The following CACNA1C variants were observed in gnomAD, a reference collection of about 807,000 sequenced individuals.
CACNA1C encodes the protein voltage-dependent L-type calcium channel subunit alpha-1C.
In CACNA1C, 30 loss-of-function variants were observed where a neutral mutation model predicts 229.0. The ratio of observed to expected loss-of-function variants is 0.13; its 90% CI spans 0.10 to 0.18. The LOEUF (loss-of-function observed/expected upper bound fraction) is 0.18. Among genes scored for constraint, CACNA1C ranks in the 10% least tolerant of loss-of-function variants. The pLI is 1.00. For synonymous variants in CACNA1C, 1,114 were observed against 1,132.5 expected, an observed-to-expected ratio of 0.98 and a Z score of 0.33; for missense variants, 1,658 against 2,845.0, an observed-to-expected ratio of 0.58 and a Z score of 9.49.
At chr12:2,392,992 C>G (rs1202680651) in intron 3 of CACNA1C, among the ~76,000 whole-genome samples, 1 of 152,112 alleles carries the variant, frequency 6.6e-6, no homozygotes, top group Non-Finnish European at 1.5e-5. Flanking sequence ...ACTGTTAACC[C>G]TCTAGTATTA....
chr12:2,514,700 G>A (rs1216185275), intron 9 of CACNA1C, among the ~76,000 whole-genome samples: 2 of 152,132 alleles, frequency 1.3e-5, no homozygotes, highest in Non-Finnish European at 2.9e-5. Context: ...CATTTCTGTA[G>A]CGCGTGTTAT....
At chr12:2,590,338 C>A (rs180963345) in intron 18 of CACNA1C, among the ~76,000 whole-genome samples, 1 of 152,288 alleles carries the variant, frequency 6.6e-6, no homozygotes, top group East Asian at 1.9e-4. Flanking sequence ...GCAGCAGCAC[C>A]TCACTTCCGA....
At chr12:2,551,584 T>G (rs1599769235) in intron 10 of CACNA1C, among the ~76,000 whole-genome samples, 1 of 152,124 alleles carries the variant, frequency 6.6e-6, no homozygotes, top group Non-Finnish European at 1.5e-5. Context: ...CCAGCATTCC[T>G]GGCGGGAGAA....
At chr12:2,176,648 A>G (rs1250578171) in intron 3 of CACNA1C, among the ~76,000 whole-genome samples, 2 of 152,100 alleles carry the variant, frequency 1.3e-5, no homozygotes, top group Non-Finnish European at 1.5e-5. Context: ...AAATGCTTCC[A>G]ACTCAATCCC....
chr12:2,474,525 C>G (rs1318170328), intron 5 of CACNA1C, among the ~76,000 whole-genome samples: 8 of 152,126 alleles, frequency 5.3e-5, no homozygotes, highest in Non-Finnish European at 1.0e-4. Flanking sequence ...GAGGCCGAGG[C>G]AGGCAGATCA....
In CACNA1C at chr12:2,633,012, A is replaced by G. The variant is rs957824430; in HGVS notation, c.3829-1285A>G. ...GATTTGATCTGCAAGAGTTGCACTT[A>G]TTATGGATCTTGTTTTAACAATTTG... On this transcript the variant is annotated intron_variant, in intron 29 of 46. Coordinates refer to ENST00000399655, the MANE Select transcript of CACNA1C (RefSeq NM_000719.7). This position sits in a 1 kb window ranked among gnomAD's most constrained non-coding sequence, Gnocchi z 5.8. Among the ~76,000 whole-genome samples, 1 of 152,144 alleles carries G rather than the reference A, an allele frequency of 6.6e-6. No homozygotes were observed. The highest frequency in any genetic ancestry group is 2.4e-5 in the African/African-American group (1 of 41,432).
chr12:2,385,505 C>A (rs560819024), intron 3 of CACNA1C, among the ~76,000 whole-genome samples: 1 of 152,284 alleles, frequency 6.6e-6, no homozygotes, highest in Admixed American at 6.5e-5. Context: ...AGCTAGGACC[C>A]GCTGCTGTCT....
At chr12:2,069,695 C>T (rs911720586) in intron 1 of CACNA1C, among the ~76,000 whole-genome samples, 4 of 152,172 alleles carry the variant, frequency 2.6e-5, no homozygotes, top group East Asian at 1.9e-4. Context: ...TTATAATGAC[C>T]GTTACTTGAG....
intron 6 of CACNA1C, among the ~76,000 whole-genome samples, chr12:2,492,623 C>T (rs1021219014): frequency 2.6e-5 from 4 of 152,202 alleles, no homozygotes; most frequent in African/African-American, 4.8e-5. Context: ...AAGTGACTTG[C>T]GTCCCTGGCA....
chr12:2,691,310 TC>T lies in CACNA1C; in HGVS notation c.*112del. 8.7e-7 allele frequency: 1 copy of T among 1,150,000 alleles called. No homozygotes were observed. The highest frequency in any genetic ancestry group is 1.2e-6 in the Non-Finnish European group (1 of 859,498). 71.2% of individuals were successfully genotyped at this position (1,150,000 alleles called of 1,614,324 possible). A position where few individuals can be genotyped will look rare whatever the true frequency, so the allele number is the denominator to read the frequency against. On this transcript the variant is annotated 3_prime_UTR_variant, in exon 47 of 47. Transcript: ENST00000399655. ...CCTGGAGTTAACCGGAACAGCGTCT[TC>T]ATTCATTTCTGTTGGGACCAGACGC...
chr12:2,250,601 G>T (rs541005286), intron 3 of CACNA1C, among the ~76,000 whole-genome samples: 2 of 152,140 alleles, frequency 1.3e-5, no homozygotes, highest in African/African-American at 4.8e-5. Flanking sequence ...AAGGCCATGC[G>T]TTAAATACCC....
chr12:2,341,369 A>G (rs1226438369), intron 3 of CACNA1C, among the ~76,000 whole-genome samples: 2 of 152,298 alleles, frequency 1.3e-5, no homozygotes, highest in East Asian at 3.9e-4. Context: ...GAGGGATTAA[A>G]CTATCTGATG....
chr12:2,403,517 TTTTCC>T lies in CACNA1C; in HGVS notation c.478-45449_478-45445del, dbSNP rs2154551635. 2.0e-5 allele frequency among the ~76,000 whole-genome samples: 3 copies of T among 152,368 alleles called. No individual in the cohort carries two copies. The highest frequency in any genetic ancestry group is 4.4e-5 in the Non-Finnish European group (3 of 68,040). On this transcript the variant is annotated intron_variant, in intron 3 of 46. Coordinates refer to ENST00000399655, the MANE Select transcript of CACNA1C (RefSeq NM_000719.7). This position sits in a 1 kb window ranked among gnomAD's most constrained non-coding sequence, Gnocchi z 4.1. The stretch of plus-strand genomic sequence containing the variant: ...CCCGGAGCTGCCATCCCAAGGCTGC[TTTTCC>T]TTTCCTTTCTTTTTTTAAAATTCTT...
At chr12:2,144,409 G>C (rs2094531647) in intron 3 of CACNA1C, among the ~76,000 whole-genome samples, 1 of 151,232 alleles carries the variant, frequency 6.6e-6, no homozygotes, top group Non-Finnish European at 1.5e-5. Context: ...TTCAGTCTAA[G>C]ATCATTCTTA....
At chr12:2,401,830 A>G (rs762527312) in intron 3 of CACNA1C, among the ~76,000 whole-genome samples, 47 of 152,254 alleles carry the variant, frequency 3.1e-4, no homozygotes, top group Non-Finnish European at 6.5e-4. Flanking sequence ...AGACATGCAT[A>G]TGGAGTTCTT....
At position 2,575,817 on chromosome 12, in the gene CACNA1C, A is replaced by C. The variant is rs1044515617; in HGVS notation, c.1896-5773A>C. On this transcript the variant is annotated intron_variant, in intron 13 of 46. Transcript: ENST00000399655. This position sits in a 1 kb window ranked among gnomAD's most constrained non-coding sequence, Gnocchi z 4.0. The stretch of plus-strand genomic sequence containing the variant: ...GCTCAATGCTCTGCTCTATACCTAG[A>C]ATAAAGGTAAAGGACCTGGCCCTGA... Among the ~76,000 whole-genome samples the C allele has an allele frequency of 2.6e-5, 4 of 152,228 alleles. No individual in the cohort carries two copies. Among genetic ancestry groups the C allele is most frequent in the Non-Finnish European group, 5.9e-5 (4 of 68,044 alleles).
rs570622624 is a variant in CACNA1C at position 2,181,036 on chromosome 12, G to A, written c.477+60606G>A. ...CCTCAAATCTGCACTCCCCTATTAC[G>A]TGTTTGGGCAACTGAGTTTTGGAAC... On this transcript the variant is annotated intron_variant, in intron 3 of 46. Coordinates refer to ENST00000399655, the MANE Select transcript of CACNA1C (RefSeq NM_000719.7). This position sits in a 1 kb window ranked among gnomAD's most constrained non-coding sequence, Gnocchi z 4.0. 1.4e-4 allele frequency among the ~76,000 whole-genome samples: 21 copies of A among 152,100 alleles called. No homozygotes were observed. The highest frequency in any genetic ancestry group is 2.8e-4 in the Non-Finnish European group (19 of 68,028).
At chr12:2,565,755 T>G (rs2050513715) in intron 11 of CACNA1C, among the ~76,000 whole-genome samples, 1 of 152,202 alleles carries the variant, frequency 6.6e-6, no homozygotes, top group African/African-American at 2.4e-5. Context: ...ATCTAAACAT[T>G]CATCAGATTC....
chr12:2,321,561 A>G (rs1024997096), intron 3 of CACNA1C, among the ~76,000 whole-genome samples: 2 of 152,206 alleles, frequency 1.3e-5, no homozygotes, highest in Non-Finnish European at 2.9e-5. Flanking sequence ...GCTGAGATAC[A>G]GCTTGCATTT....
Sources: gnomAD v4.1 joint callset for allele counts (sites outside exome capture counted in the v4.1 genomes callset) on GRCh38, gnomAD v4.1.1 for gene constraint, Gnocchi (gnomAD v3.1) non-coding constraint, MANE v1.5 for transcripts, NCBI Gene and HGNC (gene_info 2026-07-23, HGNC 2026-07-21) for gene names.